The following ADGRB1 variants were observed in gnomAD, a reference collection of about 807,000 sequenced individuals.
ADGRB1 encodes the protein adhesion G protein-coupled receptor B1.
Under a neutral mutation model 175.7 loss-of-function variants are expected in ADGRB1, and 36 were observed. The observed-to-expected ratio is 0.20, with a 90% CI of 0.16 to 0.27. The LOEUF (loss-of-function observed/expected upper bound fraction) is 0.27. Ranked by LOEUF, ADGRB1 falls within the 10% of genes least tolerant of loss-of-function variation. The pLI is 1.00. For missense variants in ADGRB1, 1,731 were observed against 2,255.3 expected (o/e 0.77, Z 4.71); for synonymous variants, 1,054 against 979.4 (o/e 1.08, Z -1.42).
intron 17 of ADGRB1, among the ~76,000 whole-genome samples, chr8:142,491,223 C>T (rs1264649328): frequency 2.0e-5 from 3 of 152,252 alleles, no homozygotes; most frequent in African/African-American, 7.2e-5. Context: ...TGGAGTGGAA[C>T]TGGAACTTCA....
chr8:142,501,123 C>T (rs911802588), intron 17 of ADGRB1, among the ~76,000 whole-genome samples: 3 of 152,102 alleles, frequency 2.0e-5, no homozygotes, highest in Admixed American at 6.5e-5. Context: ...GTGTTGGAGA[C>T]GAGAATGATG....
intron 26 of ADGRB1, 52 bp from the exon 27 acceptor site, chr8:142,539,322 A>G: frequency 1.3e-6 from 2 of 1,547,304 alleles, no homozygotes; most frequent in African/African-American, 1.4e-5. Context: ...ACGCGTGCAC[A>G]CACCCCCGCT....
At chr8:142,485,270 G>A (rs1280569478) in intron 13 of ADGRB1, among the ~76,000 whole-genome samples, 9 of 152,320 alleles carry the variant, frequency 5.9e-5, no homozygotes, top group South Asian at 2.1e-4. Context: ...GCTGAATCCC[G>A]GGGTAAAAGG....
At chr8:142,469,162 T>A (rs72689042) in intron 2 of ADGRB1, among the ~76,000 whole-genome samples, 238 of 151,962 alleles carry the variant, frequency 1.6e-3, no homozygotes, top group African/African-American at 5.2e-3. Flanking sequence ...CGTGCATGTG[T>A]GTGTGTGTGC....
chr8:142,464,326 G>C lies in ADGRB1; in HGVS notation c.128G>C (p.Cys43Ser). 6.7e-7 allele frequency: 1 copy of C among 1,495,830 alleles called. No homozygotes were observed. 92.7% of individuals were successfully genotyped at this position (1,495,830 alleles called of 1,614,324 possible). ...GACGCGGGGCCCGGGCCCGAGCCGT[G>C]CGCCACGCTGGTGCAGGGAAAGTTC... is the stretch of plus-strand genomic sequence containing the variant. ...GADAGPGPEP[C>S]ATLVQGKFFG... is the part of the protein sequence containing the mutation. The change falls in exon 2 of 31, where the codon TGC becomes TCC. Residue 43 changes from cysteine (C) to serine (S), a missense_variant. By Grantham distance (112) the Cys-to-Ser change is moderately radical. Transcript: ENST00000517894.
intron 25 of ADGRB1, 84 bp downstream of exon 25, chr8:142,533,550 G>T: frequency 6.9e-7 from 1 of 1,444,912 alleles, no homozygotes; most frequent in Non-Finnish European, 9.3e-7. Flanking sequence ...GAGGACCTCG[G>T]CAGGGAGATT....
intron 9 of ADGRB1, 80 bp from the exon 10 acceptor site, chr8:142,481,174 A>C: frequency 4.5e-6 from 6 of 1,338,924 alleles, no homozygotes; most frequent in Non-Finnish European, 6.4e-6. Flanking sequence ...CCCTTCCAGA[A>C]GGTCTGCTGC....
intron 17 of ADGRB1, among the ~76,000 whole-genome samples, chr8:142,497,386 G>T (rs919365900): frequency 6.6e-6 from 1 of 152,186 alleles, no homozygotes; most frequent in African/African-American, 2.4e-5. Context: ...GGCCAAGGGG[G>T]GGGAAGCGGA....
Position 142,453,795 on chromosome 8 carries a change from G to A in ADGRB1, c.-220+3691G>A, listed in dbSNP as rs952092140. On this transcript the variant is annotated intron_variant, in intron 1 of 30. Transcript: ENST00000517894. ...GCCAAGGAGGCTCTGGGGAGTGCAA[G>A]AAGGCAACCTACAGAGGCCTAGAAG... 2.6e-5 allele frequency among the ~76,000 whole-genome samples: 4 copies of A among 152,326 alleles called. No individual in the cohort carries two copies. In the East Asian group the frequency reaches 7.7e-4, roughly 29 times the overall value.
intron 18 of ADGRB1, among the ~76,000 whole-genome samples, chr8:142,514,234 C>T (rs898193907): frequency 5.9e-5 from 9 of 152,002 alleles, no homozygotes; most frequent in South Asian, 4.2e-4. Context: ...GTGGTAGAGG[C>T]GGGTACGTGG....
rs1051326958 is a variant in ADGRB1 at position 142,537,358 on chromosome 8, C to G, written c.3666+276C>G. On this transcript the variant is annotated intron_variant, in intron 26 of 30. Coordinates refer to ENST00000517894, the MANE Select transcript of ADGRB1 (RefSeq NM_001702.3). This position sits in a 1 kb window ranked among gnomAD's most constrained non-coding sequence, Gnocchi z 4.6. ...CACCCCCGCTGGCAGCAGTGCCCGT[C>G]TGGCTGGACACCACCCTCTGAGCAT... Among the ~76,000 whole-genome samples, 5 of 152,056 alleles carry G rather than the reference C, an allele frequency of 3.3e-5. No individual in the cohort carries two copies. Among genetic ancestry groups the G allele is most frequent in the Admixed American group, 1.3e-4 (2 of 15,270 alleles).
rs749909307 is a variant in ADGRB1, at chr8:142,539,392, G to A, written c.3685G>A (p.Val1229Met). The A allele has an allele frequency of 1.8e-5, 29 of 1,598,522 alleles. No individual in the cohort carries two copies. Among genetic ancestry groups the A allele is most frequent in the Admixed American group, 5.2e-5 (3 of 57,858 alleles). Residue 1229 changes from valine to methionine, a missense_variant, in exon 27 of 31, where the codon GTG becomes ATG. By Grantham distance (21) the Val-to-Met change is conservative (BLOSUM62 1). This residue lies in a region of ADGRB1 where 301 missense variants were observed against 488.4 expected (regional missense o/e 0.62). Coordinates refer to ENST00000517894, the MANE Select transcript of ADGRB1 (RefSeq NM_001702.3). ...CCTACAGACCGACTTCGAGAAGGACGTGGATCTGGCCTGTAGATCAGGTGA... is the reference window on the plus strand; with the variant it reads ...CCTACAGACCGACTTCGAGAAGGACATGGATCTGGCCTGTAGATCAGGTGA... ...AQLMTDFEKD[V>M]DLACRSVLNK...
At chr8:142,456,371 G>T (rs1839683710) in intron 1 of ADGRB1, among the ~76,000 whole-genome samples, 1 of 152,076 alleles carries the variant, frequency 6.6e-6, no homozygotes, top group Non-Finnish European at 1.5e-5. Context: ...CCCTTGAACA[G>T]TGTGCACACA....
intron 17 of ADGRB1, among the ~76,000 whole-genome samples, chr8:142,499,802 C>T (rs1439095910): frequency 6.6e-6 from 1 of 152,172 alleles, no homozygotes; most frequent in Non-Finnish European, 1.5e-5. Flanking sequence ...AGGAGAGGGC[C>T]GCCACTTCCT....
chr8:142,482,743 C>T (rs529923244), intron 11 of ADGRB1, among the ~76,000 whole-genome samples: 26 of 146,804 alleles, frequency 1.8e-4, no homozygotes, highest in Admixed American at 4.7e-4. Context: ...CCTGGTCACA[C>T]GCTGAGCTCT....
chr8:142,478,452 T>C (rs1156934274), intron 7 of ADGRB1, 92 bp downstream of exon 7: 8 of 1,373,120 alleles, frequency 5.8e-6, no homozygotes, highest in Non-Finnish European at 6.8e-6. Context: ...GGGGTAACCA[T>C]GGGCCCCGGC....
intron 22 of ADGRB1, among the ~76,000 whole-genome samples, chr8:142,523,018 C>T (rs1167237081): frequency 6.6e-6 from 1 of 152,246 alleles, no homozygotes; most frequent in Admixed American, 6.5e-5. Context: ...CCCATCTGTT[C>T]GGTGGGGAGC....
At chr8:142,461,374 C>T (rs556698515) in intron 1 of ADGRB1, among the ~76,000 whole-genome samples, 1 of 152,344 alleles carries the variant, frequency 6.6e-6, no homozygotes, top group East Asian at 1.9e-4. Flanking sequence ...CGTGTTTTCT[C>T]ACCAAGCTGG....
rs1477217682 is a variant in ADGRB1, at chr8:142,492,393, C to T, written c.2675+1578C>T. Among the ~76,000 whole-genome samples the T allele has an allele frequency of 6.6e-6, 1 of 152,136 alleles. No individual in the cohort carries two copies. The highest frequency in any genetic ancestry group is 2.4e-5 in the African/African-American group (1 of 41,444). ...GGACAGACGGAGCAGTGTGGTGATGCCCGGCCGTGCATGGGCCGGGAAGGG... is the reference window on the plus strand; with the variant it reads ...GGACAGACGGAGCAGTGTGGTGATGTCCGGCCGTGCATGGGCCGGGAAGGG... On this transcript the variant is annotated intron_variant, in intron 17 of 30. Transcript: ENST00000517894. This position sits in a 1 kb window ranked among gnomAD's most constrained non-coding sequence, Gnocchi z 4.4.
Sources: gnomAD v4.1 joint callset for allele counts (sites outside exome capture counted in the v4.1 genomes callset) on GRCh38, gnomAD v4.1.1 for gene constraint, gnomAD v4.1.1 regional missense constraint, Gnocchi (gnomAD v3.1) non-coding constraint, MANE v1.5 for transcripts, NCBI Gene and HGNC (gene_info 2026-07-23, HGNC 2026-07-21) for gene names.